RGS6: variants seen among roughly 807,000 people sequenced by gnomAD.
RGS6 encodes regulator of G-protein signaling 6.
A neutral mutation model predicts 78.5 loss-of-function variants in RGS6; 30 were observed. That is an observed-to-expected ratio of 0.38 (90% CI 0.29 to 0.52). The LOEUF (loss-of-function observed/expected upper bound fraction) is 0.52. Among genes scored for constraint, RGS6 ranks in the 20% least tolerant of loss-of-function variants. RGS6 has a pLI of 0.85. For synonymous variants in RGS6, 206 were observed against 206.0 expected (o/e 1.00, Z 0.00); for missense variants, 495 against 609.7 (o/e 0.81, Z 1.98).
At position 72,510,207 on chromosome 14, in the gene RGS6, T is replaced by C. The variant is rs1484364013; in HGVS notation, c.1019T>C (p.Ile340Thr). 2 of 1,613,912 alleles carry C rather than the reference T, an allele frequency of 1.2e-6. No individual in the cohort carries two copies. Among genetic ancestry groups the C allele is most frequent in the Non-Finnish European group, 8.5e-7 (1 of 1,179,960 alleles). ...AGATGGGGCTTCTCTTTCGATGAGA[T>C]ATTGAAGGACCAGGTGGGGCGGGAC... Reference protein sequence around the residue: ...VKRWGFSFDEILKDQVGRDQF... With the variant: ...VKRWGFSFDETLKDQVGRDQF... Residue 340 changes from isoleucine (I) to threonine (T), a missense_variant, in exon 14 of 18, where the codon ATA (isoleucine) becomes ACA (threonine). Coordinates refer to ENST00000553525, the MANE Select transcript of RGS6 (RefSeq NM_001204424.2).
At chr14:71,975,259 G>T (rs1281626413) in intron 2 of RGS6, among the ~76,000 whole-genome samples, 1 of 152,194 alleles carries the variant, frequency 6.6e-6, no homozygotes, top group East Asian at 1.9e-4. Context: ...AACTGTCATT[G>T]TCTCTTGGCT....
At chr14:71,888,517 A>G in the RGS6 span, among the ~76,000 whole-genome samples, 1 of 152,052 alleles carries the variant, frequency 6.6e-6, no homozygotes, top group Admixed American at 6.5e-5. Context: ...ATCCCACAGG[A>G]AACAAACCTC....
chr14:72,562,815 T>G lies in RGS6; in HGVS notation c.*348T>G. The G allele has an allele frequency of 7.1e-7, 1 of 1,411,846 alleles. No homozygotes were observed. Among genetic ancestry groups the G allele is most frequent in the Non-Finnish European group, 9.7e-7 (1 of 1,033,622 alleles). 87.5% of individuals were successfully genotyped at this position (1,411,846 alleles called of 1,614,324 possible). ...GTCACGACTATCACTTGAGATTATA[T>G]TATTATCCTCACTCCCTCGCTGTCT... is the stretch of plus-strand genomic sequence containing the variant. On this transcript the variant is annotated 3_prime_UTR_variant, in exon 18 of 18. Coordinates refer to ENST00000553525, the MANE Select transcript of RGS6 (RefSeq NM_001204424.2).
intron 17 of RGS6, among the ~76,000 whole-genome samples, chr14:72,558,001 CTT>C (rs2097607121): frequency 6.6e-6 from 1 of 150,548 alleles, no homozygotes; most frequent in African/African-American, 2.4e-5. Flanking sequence ...TTTTTTTTTT[CTT>C]TTGAGATATA....
intron 3 of RGS6, among the ~76,000 whole-genome samples, chr14:72,444,997 C>T (rs553189033): frequency 6.6e-6 from 1 of 152,062 alleles, no homozygotes; most frequent in African/African-American, 2.4e-5. Flanking sequence ...GCAGCGAGGA[C>T]AGGCCAAAAA....
rs576617839 is a variant in RGS6 at position 72,020,515 on chromosome 14, C to T, written c.84+55640C>T. On this transcript the variant is annotated intron_variant, in intron 2 of 17. Transcript: ENST00000553525. ...GGCACACCTTGTCTCTCTTCTCTGC[C>T]CGAAAGGAGGCCACTGTTTTCTTGT... 8.5e-5 allele frequency among the ~76,000 whole-genome samples: 13 copies of T among 152,262 alleles called. No homozygotes were observed. The East Asian group carries it at 2.1e-3, about 25-fold the overall frequency.
chr14:72,178,062 T>C (rs1336109548), intron 2 of RGS6, among the ~76,000 whole-genome samples: 1 of 152,210 alleles, frequency 6.6e-6, no homozygotes, highest in Non-Finnish European at 1.5e-5. Context: ...CTGCAGCCAA[T>C]GCACCTGCTG....
intron 3 of RGS6, among the ~76,000 whole-genome samples, chr14:72,366,050 A>G (rs1274935876): frequency 2.0e-5 from 3 of 152,208 alleles, no homozygotes; most frequent in Admixed American, 2.0e-4. Flanking sequence ...CTCCAGGGTC[A>G]TGACTGGGAA....
chr14:72,494,792 C>G (rs752102333), intron 12 of RGS6, among the ~76,000 whole-genome samples: 1 of 152,056 alleles, frequency 6.6e-6, no homozygotes, highest in African/African-American at 2.4e-5. Context: ...CCAGATGCCT[C>G]GAGAATCAGT....
At chr14:72,483,529 T>C (rs995743677) in intron 12 of RGS6, among the ~76,000 whole-genome samples, 9 of 152,170 alleles carry the variant, frequency 5.9e-5, no homozygotes, top group African/African-American at 2.2e-4. Flanking sequence ...AGCAAGGGAC[T>C]GGATACCCCT....
intron 17 of RGS6, among the ~76,000 whole-genome samples, chr14:72,556,656 A>G (rs1278454289): frequency 2.7e-5 from 3 of 112,522 alleles, no homozygotes; most frequent in Non-Finnish European, 4.9e-5. Context: ...GAGTCTTTAT[A>G]CCACTGTACA....
intron 3 of RGS6, among the ~76,000 whole-genome samples, chr14:72,414,551 T>C (rs2093663542): frequency 6.6e-6 from 1 of 152,230 alleles, no homozygotes; most frequent in African/African-American, 2.4e-5. Context: ...TGAAGCCTCC[T>C]TCTCTCAACT....
At chr14:72,341,034 A>G (rs2076887894) in intron 2 of RGS6, among the ~76,000 whole-genome samples, 1 of 152,194 alleles carries the variant, frequency 6.6e-6, no homozygotes, top group African/African-American at 2.4e-5. Flanking sequence ...GAATGGGAAA[A>G]AGGAATAAAA....
chr14:72,583,508 C>T, the RGS6 span, among the ~76,000 whole-genome samples: 8 of 152,308 alleles, frequency 5.3e-5, no homozygotes, highest in Non-Finnish European at 5.9e-5. Context: ...CATTTGTCCA[C>T]TCTCCCAGAG....
At chr14:71,954,787 C>G (rs926412266) in intron 1 of RGS6, among the ~76,000 whole-genome samples, 18 of 152,062 alleles carry the variant, frequency 1.2e-4, no homozygotes, top group African/African-American at 4.3e-4. Context: ...AAAATGTTTC[C>G]TTCTCTCTGG....
chr14:71,993,182 T>TG (rs1047058929), intron 2 of RGS6, among the ~76,000 whole-genome samples: 1 of 152,252 alleles, frequency 6.6e-6, no homozygotes, highest in African/African-American at 2.4e-5. Context: ...TTACTCCTGT[T>TG]GGGGAACTTG....
At chr14:72,137,486 A>G (rs1346335514) in intron 2 of RGS6, among the ~76,000 whole-genome samples, 1 of 152,240 alleles carries the variant, frequency 6.6e-6, no homozygotes, top group African/African-American at 2.4e-5. Context: ...TAAAATGCCA[A>G]TCGCAAGTCC....
At chr14:71,959,767 C>CT (rs1356891181) in intron 1 of RGS6, among the ~76,000 whole-genome samples, 2 of 152,168 alleles carry the variant, frequency 1.3e-5, no homozygotes, top group Non-Finnish European at 2.9e-5. Flanking sequence ...CAAACCCTGG[C>CT]TTAGAACAAG....
intron 17 of RGS6, among the ~76,000 whole-genome samples, chr14:72,552,407 C>T (rs2097521103): frequency 6.6e-6 from 1 of 152,158 alleles, no homozygotes; most frequent in Non-Finnish European, 1.5e-5. Context: ...TGGGGAGGGC[C>T]ACCAGGCAAA....
Sources: allele counts gnomAD v4.1 joint callset (sites outside exome capture counted in the v4.1 genomes callset), GRCh38; gene constraint gnomAD v4.1.1; transcripts MANE v1.5; gene names NCBI Gene and HGNC (gene_info 2026-07-23, HGNC 2026-07-21).